Variants in VLDLR observed in about 807,000 individuals in gnomAD.
VLDLR encodes the protein very low density lipoprotein receptor.
Under a neutral mutation model 112.7 loss-of-function variants are expected in VLDLR, and 81 were observed. The ratio of observed to expected loss-of-function variants is 0.72; its 90% CI spans 0.60 to 0.86. The LOEUF (loss-of-function observed/expected upper bound fraction) is 0.86, where lower values mean the gene tolerates loss of function less well. VLDLR is among the 40% of genes least tolerant of loss of function. The pLI is 0.00. For synonymous variants in VLDLR, 436 were observed against 384.8 expected, an observed-to-expected ratio of 1.13 and a Z score of -1.56; for missense variants, 1,237 against 1,099.4, an observed-to-expected ratio of 1.13 and a Z score of -1.77.
Position 2,623,180 on chromosome 9 carries a change from A to T in VLDLR, c.82+909A>T, listed in dbSNP as rs147876349. ...GAGCGTGTGGCCCTGTCTTGTTGGG[A>T]AGGGCGGCGGTGACTACTGTCGGGT... On this transcript the variant is annotated intron_variant, in intron 1 of 18. Coordinates refer to ENST00000382100, the MANE Select transcript of VLDLR (RefSeq NM_003383.5). Among the ~76,000 whole-genome samples the T allele has an allele frequency of 1.5e-4, 23 of 152,246 alleles. 1 individual carries two copies. In the East Asian group the frequency reaches 4.1e-3, roughly 27 times the overall value.
At chr9:2,642,170 A>C (rs574033900) in intron 4 of VLDLR, among the ~76,000 whole-genome samples, 1 of 152,268 alleles carries the variant, frequency 6.6e-6, no homozygotes, top group Non-Finnish European at 1.5e-5. Context: ...GGGCCTGGGA[A>C]AATCACTAGG....
chr9:2,645,554 C>G lies in VLDLR; in HGVS notation c.1313-20C>G, dbSNP rs1329356420. The G allele has an allele frequency of 2.5e-6, 4 of 1,614,068 alleles. No individual in the cohort carries two copies. The Admixed American group carries it at 5.0e-5, about 20-fold the overall frequency. ...GCCTTCTTAAAGCAAAACTAAGTAA[C>G]CCAGACTTCCATCTTGCAGGCAAAG... is the stretch of plus-strand genomic sequence containing the variant. On this transcript the variant is annotated intron_variant, in intron 9 of 18. Coordinates refer to ENST00000382100, the MANE Select transcript of VLDLR (RefSeq NM_003383.5).
intron 1 of VLDLR, among the ~76,000 whole-genome samples, chr9:2,628,327 C>T (rs1817186729): frequency 1.3e-5 from 2 of 152,108 alleles, no homozygotes; most frequent in African/African-American, 4.8e-5. Context: ...AATCTGAGCC[C>T]ACTCCTGGTG....
At chr9:2,626,851 G>A (rs4741748) in intron 1 of VLDLR, among the ~76,000 whole-genome samples, 77,512 of 152,068 alleles carry the variant, frequency 0.51, 20,440 homozygotes, top group Admixed American at 0.6. Flanking sequence ...CATGCTGTGA[G>A]TAAACAGGGT....
chr9:2,644,884 A>G (rs778606895), intron 8 of VLDLR, 31 bp downstream of exon 8: 1 of 1,614,186 alleles, frequency 6.2e-7, no homozygotes, highest in African/African-American at 1.3e-5. Context: ...TGGACCCTGC[A>G]GGTGATGGGA....
At chr9:2,638,924 C>G (rs1271439260) in intron 2 of VLDLR, among the ~76,000 whole-genome samples, 1 of 152,200 alleles carries the variant, frequency 6.6e-6, no homozygotes, top group African/African-American at 2.4e-5. Context: ...CCCTTGAATT[C>G]TAAGTACAAC....
In VLDLR at chr9:2,639,934, G is replaced by A. The variant is rs1312570625; in HGVS notation, c.278G>A (p.Gly93Glu). 1 of 1,614,232 alleles carries A rather than the reference G, an allele frequency of 6.2e-7. No individual in the cohort carries two copies. Among genetic ancestry groups the A allele is most frequent in the South Asian group, 1.1e-5 (1 of 91,084 alleles). The change falls in exon 3 of 19, where the codon GGA becomes GAA. Residue 93 changes from glycine to glutamate, a missense_variant. By Grantham distance (98) the Gly-to-Glu change is moderately conservative. Transcript: ENST00000382100. Reference protein sequence around the residue: ...QCVPSRWKCDGDPDCEDGSDE... With the variant: ...QCVPSRWKCDEDPDCEDGSDE... ...GTTCCCAGCCGATGGAAGTGTGATG[G>A]AGATCCTGACTGCGAAGATGGTTCA... is the stretch of plus-strand genomic sequence containing the variant.
chr9:2,629,608 G>T (rs1817245245), intron 1 of VLDLR, among the ~76,000 whole-genome samples: 1 of 152,194 alleles, frequency 6.6e-6, no homozygotes, highest in African/African-American at 2.4e-5. Context: ...TGAAGTCTTA[G>T]AGCAGTGTTT....
chr9:2,642,812 T>C (rs576214025), intron 4 of VLDLR, among the ~76,000 whole-genome samples: 1 of 152,334 alleles, frequency 6.6e-6, no homozygotes, highest in South Asian at 2.1e-4. Flanking sequence ...AGCAGTATGT[T>C]GATTCAAGGA....
At chr9:2,645,811 G>C in intron 10 of VLDLR, 66 bp downstream of exon 10, 1 of 1,599,734 alleles carries the variant, frequency 6.3e-7, no homozygotes. Flanking sequence ...TGATCTGTGG[G>C]ATAGTTTGGA....
At chr9:2,648,378 C>T (rs1413590341) in intron 13 of VLDLR, 31 bp downstream of exon 13, 5 of 1,613,582 alleles carry the variant, frequency 3.1e-6, no homozygotes, top group Non-Finnish European at 4.2e-6. Flanking sequence ...AAGTGTGTAC[C>T]TTTGAGCTAC....
At position 2,640,103 on chromosome 9, in the gene VLDLR, A is replaced by G. The variant is rs192321560; in HGVS notation, c.325+122A>G. On this transcript the variant is annotated intron_variant, in intron 3 of 18. Transcript: ENST00000382100. ...TTTGCCTGCCTTAAAGTTTAGGTCA[A>G]TTGACTCCAAGGGCAGTCAAATCAT... 615 of 1,512,810 alleles carry G rather than the reference A, an allele frequency of 4.1e-4. 1 individual carries two copies. The highest frequency in any genetic ancestry group is 2.8e-3 in the African/African-American group (206 of 73,070). The allele number at this position is 1,512,810 out of a possible 1,614,324, so 93.7% of individuals were successfully genotyped here.
chr9:2,622,070 C>A lies in VLDLR; in HGVS notation c.-120C>A. 1 of 1,000,954 alleles carries A rather than the reference C, an allele frequency of 1.0e-6. No individual in the cohort carries two copies. Among genetic ancestry groups the A allele is most frequent in the Non-Finnish European group, 1.4e-6 (1 of 712,162 alleles). 62.0% of individuals were successfully genotyped at this position (1,000,954 alleles called of 1,614,324 possible). A position where few individuals can be genotyped will look rare whatever the true frequency, so the allele number is the denominator to read the frequency against. The stretch of plus-strand genomic sequence containing the variant: ...CTTCCCCCGCCAACTCCTTCCCCTC[C>A]TTCTCCCCCTTTCCCCTCCCCGCCC... On this transcript the variant is annotated 5_prime_UTR_variant, in exon 1 of 19. Coordinates refer to ENST00000382100, the MANE Select transcript of VLDLR (RefSeq NM_003383.5).
chr9:2,645,409 T>C (rs1818024061), intron 9 of VLDLR, among the ~76,000 whole-genome samples, 165 bp from the exon 10 acceptor site: 1 of 152,164 alleles, frequency 6.6e-6, no homozygotes, highest in Non-Finnish European at 1.5e-5. Context: ...TCCTAAACTG[T>C]AGGAAGCACT....
In VLDLR at chr9:2,622,018, AG is replaced by A; in HGVS notation, c.-167del. The stretch of plus-strand genomic sequence containing the variant: ...GAGGAGACTGTGCAAGTTGTAGGGG[AG>A]GGGGTGCCCTCTTCTTCCCCGCTCC... On this transcript the variant is annotated 5_prime_UTR_variant, in exon 1 of 19. Coordinates refer to ENST00000382100, the MANE Select transcript of VLDLR (RefSeq NM_003383.5). 1.5e-6 allele frequency: 1 copy of A among 652,310 alleles called. No homozygotes were observed. The highest frequency in any genetic ancestry group is 2.6e-6 in the Non-Finnish European group (1 of 383,854). 40.4% of individuals were successfully genotyped at this position (652,310 alleles called of 1,614,324 possible).
intron 12 of VLDLR, 85 bp from the exon 13 acceptor site, chr9:2,648,123 G>A (rs1015542147): frequency 1.8e-5 from 29 of 1,575,110 alleles, no homozygotes; most frequent in Non-Finnish European, 2.2e-5. Context: ...AACCGTGAAA[G>A]TAGATTATTA....
intron 2 of VLDLR, 80 bp from the exon 3 acceptor site, chr9:2,639,779 A>C: frequency 1.2e-6 from 2 of 1,610,362 alleles, no homozygotes; most frequent in Non-Finnish European, 1.7e-6. Context: ...AACATGCCAA[A>C]ATGCAGTATG....
At chr9:2,626,899 T>A (rs1359885363) in intron 1 of VLDLR, among the ~76,000 whole-genome samples, 4 of 152,224 alleles carry the variant, frequency 2.6e-5, no homozygotes, top group African/African-American at 9.6e-5. Flanking sequence ...TTCATTTTCT[T>A]AAGAAAGACT....
At position 2,646,502 on chromosome 9, in the gene VLDLR, T is replaced by C; in HGVS notation, c.1653T>C (p.Phe551=). The C allele has an allele frequency of 6.2e-7, 1 of 1,614,174 alleles. No homozygotes were observed. The highest frequency in any genetic ancestry group is 8.5e-7 in the Non-Finnish European group (1 of 1,180,018). Residue 551 remains phenylalanine (F), a synonymous_variant, in exon 11 of 19, where the codon TTT becomes TTC. Coordinates refer to ENST00000382100, the MANE Select transcript of VLDLR (RefSeq NM_003383.5). ...TLDGTKRKFL[F]NSDLREPASI... is the part of the protein sequence containing the mutation. ...ATGGAACCAAGAGGAAGTTCCTGTT[T>C]AACTCTGACTTGCGAGAGCCTGCCT...
Sources: allele counts gnomAD v4.1 joint callset (sites outside exome capture counted in the v4.1 genomes callset), GRCh38; gene constraint gnomAD v4.1.1; transcripts MANE v1.5; gene names NCBI Gene and HGNC (gene_info 2026-07-23, HGNC 2026-07-21).